The following NCOA2 variants were observed in gnomAD, a reference collection of about 807,000 sequenced individuals.
The protein encoded by NCOA2 is nuclear receptor coactivator 2.
In NCOA2, 21 loss-of-function variants were observed where a neutral mutation model predicts 145.1. That is an observed-to-expected ratio of 0.14 (90% CI 0.10 to 0.21). The LOEUF (loss-of-function observed/expected upper bound fraction) is 0.21, where lower values mean the gene tolerates loss of function less well. Ranked by LOEUF, NCOA2 falls within the 10% of genes least tolerant of loss-of-function variation. NCOA2 has a pLI of 1.00. For missense variants in NCOA2, 1,472 were observed against 1,837.6 expected, an observed-to-expected ratio of 0.80 and a Z score of 3.64; for synonymous variants, 619 against 637.5, an observed-to-expected ratio of 0.97 and a Z score of 0.44.
At chr8:70,311,767 C>T (rs1805142699) in intron 1 of NCOA2, among the ~76,000 whole-genome samples, 1 of 152,130 alleles carries the variant, frequency 6.6e-6, no homozygotes, top group Admixed American at 6.5e-5. Context: ...CCTCAGTTTC[C>T]TCAGTGACAA....
intron 1 of NCOA2, among the ~76,000 whole-genome samples, chr8:70,334,813 C>A (rs1807421746): frequency 6.6e-6 from 1 of 152,040 alleles, no homozygotes; most frequent in Admixed American, 6.6e-5. Flanking sequence ...TAGTAATATT[C>A]ATTTTGCTCT....
At chr8:70,330,334 C>T (rs1188699350) in intron 1 of NCOA2, among the ~76,000 whole-genome samples, 1 of 151,896 alleles carries the variant, frequency 6.6e-6, no homozygotes, top group Non-Finnish European at 1.5e-5. Flanking sequence ...CTTTGGAAGG[C>T]CAACGCAGAG....
intron 1 of NCOA2, among the ~76,000 whole-genome samples, chr8:70,301,357 T>C (rs1827470179): frequency 2.0e-5 from 3 of 151,910 alleles, no homozygotes; most frequent in African/African-American, 4.8e-5. Flanking sequence ...TGGATGTAAA[T>C]AAAGATATGT....
chr8:70,303,027 C>T (rs1000245279), intron 1 of NCOA2, among the ~76,000 whole-genome samples: 2 of 152,104 alleles, frequency 1.3e-5, no homozygotes, highest in South Asian at 4.1e-4. Context: ...TACAATAAAG[C>T]AACTATAATA....
At chr8:70,192,077 A>T (rs1378519092) in intron 4 of NCOA2, among the ~76,000 whole-genome samples, 1 of 152,160 alleles carries the variant, frequency 6.6e-6, no homozygotes, top group African/African-American at 2.4e-5. Context: ...AAAAAATAAA[A>T]GACTGAAGAC....
rs1427246508 is a variant in NCOA2 at position 70,267,223 on chromosome 8, G to A, written c.-20+29521C>T. On this transcript the variant is annotated intron_variant, in intron 2 of 22. Coordinates refer to ENST00000452400, the MANE Select transcript of NCOA2 (RefSeq NM_006540.4). ...AATATTTACACCTACCTGTGAAGAT[G>A]TTCATGACTATGAGGCATAAGTAAA... Among the ~76,000 whole-genome samples the A allele has an allele frequency of 3.3e-5, 5 of 152,240 alleles. 1 individual carries two copies. In the East Asian group the frequency reaches 5.8e-4, roughly 18 times the overall value.
At chr8:70,179,330 C>T (rs146073846) in intron 4 of NCOA2, among the ~76,000 whole-genome samples, 2 of 152,162 alleles carry the variant, frequency 1.3e-5, no homozygotes, top group African/African-American at 2.4e-5. Context: ...ATTAAAGTGG[C>T]CCTAAATTTA....
At chr8:70,429,411 A>G in the NCOA2 span, among the ~76,000 whole-genome samples, 1 of 152,190 alleles carries the variant, frequency 6.6e-6, no homozygotes, top group Non-Finnish European at 1.5e-5. Flanking sequence ...GAGTGCTGTA[A>G]CTGTGTTGTA....
chr8:70,440,539 C>T, the NCOA2 span, among the ~76,000 whole-genome samples: 1 of 151,662 alleles, frequency 6.6e-6, no homozygotes, highest in Non-Finnish European at 1.5e-5. Flanking sequence ...CGCCACTGCA[C>T]TTCAGCCTGG....
rs904984336 is a variant in NCOA2, at chr8:70,156,902, G to A, written c.1463C>T (p.Pro488Leu). 4 of 1,614,020 alleles carry A rather than the reference G, an allele frequency of 2.5e-6. No homozygotes were observed. The highest frequency in any genetic ancestry group is 1.3e-5 in the African/African-American group (1 of 75,058). ...CACTCCAGGGCTCATGCGATGCCTT[G>A]GTGAAAGCATGGAGGTGGGCTGTCC... ...NPGQPTSMLS[P>L]RHRMSPGVAG... The change falls in exon 11 of 23, where the codon CCA becomes CTA. Residue 488 changes from proline to leucine, a missense_variant. Physicochemically the swap from Pro to Leu is moderately conservative, Grantham distance 98. This residue lies in a region of NCOA2 where 953 missense variants were observed against 1,062.1 expected (regional missense o/e 0.90). Coordinates refer to ENST00000452400, the MANE Select transcript of NCOA2 (RefSeq NM_006540.4).
At chr8:70,386,328 T>G (rs1467542865) in intron 1 of NCOA2, among the ~76,000 whole-genome samples, 1 of 152,248 alleles carries the variant, frequency 6.6e-6, no homozygotes, top group Non-Finnish European at 1.5e-5. Flanking sequence ...GATGAGAGAC[T>G]TGTTCTATCA....
At chr8:70,339,191 G>A (rs1462402790) in intron 1 of NCOA2, among the ~76,000 whole-genome samples, 1 of 152,124 alleles carries the variant, frequency 6.6e-6, no homozygotes, top group Non-Finnish European at 1.5e-5. Context: ...AAACCCCATA[G>A]TCTCAGCCCG....
Position 70,110,499 on chromosome 8 carries a change from C to T in NCOA2, c.*3133G>A, listed in dbSNP as rs1806446636. Reference sequence around the variant, plus strand: ...GTAATTTTCTTTTGTGCAGAGGATGCTTTGCTCTTAGGCAGCATACCACCA... The same window carrying T: ...GTAATTTTCTTTTGTGCAGAGGATGTTTTGCTCTTAGGCAGCATACCACCA... On this transcript the variant is annotated 3_prime_UTR_variant, in exon 23 of 23. Transcript: ENST00000452400. The T allele has an allele frequency of 5.0e-6, 1 of 199,404 alleles. No homozygotes were observed. Among genetic ancestry groups the T allele is most frequent in the East Asian group, 7.9e-5 (1 of 12,714 alleles). The allele number at this position is 199,404 out of a possible 1,614,324, so 12.4% of individuals were successfully genotyped here.
At chr8:70,452,232 C>G in the NCOA2 span, among the ~76,000 whole-genome samples, 1 of 152,116 alleles carries the variant, frequency 6.6e-6, no homozygotes, top group African/African-American at 2.4e-5. Context: ...CACCTTGGCC[C>G]CCAAAGTGCT....
chr8:70,140,029 CAT>C (rs1810202599), intron 14 of NCOA2, among the ~76,000 whole-genome samples: 1 of 152,154 alleles, frequency 6.6e-6, no homozygotes, highest in African/African-American at 2.4e-5. Context: ...AGAGGGCTAA[CAT>C]GTCAATGATA....
chr8:70,162,672 G>T, intron 9 of NCOA2, 39 bp downstream of exon 9: 1 of 1,578,632 alleles, frequency 6.3e-7, no homozygotes. Flanking sequence ...GCTCCCACAG[G>T]AAGCAATAAT....
At chr8:70,359,569 T>C (rs559000961) in intron 1 of NCOA2, among the ~76,000 whole-genome samples, 1 of 152,296 alleles carries the variant, frequency 6.6e-6, no homozygotes, top group East Asian at 1.9e-4. Context: ...AAGGGGAAGT[T>C]ACAAGGAAAA....
chr8:70,209,154 C>T (rs1479206881), intron 4 of NCOA2, among the ~76,000 whole-genome samples: 1 of 152,168 alleles, frequency 6.6e-6, no homozygotes, highest in Non-Finnish European at 1.5e-5. Flanking sequence ...TGGAGGGATT[C>T]CTGACTTCAG....
intron 1 of NCOA2, among the ~76,000 whole-genome samples, chr8:70,388,939 G>GT (rs1163503222): frequency 1.3e-5 from 2 of 152,142 alleles, no homozygotes; most frequent in East Asian, 3.9e-4. Context: ...CACATTTCAA[G>GT]TAAGTTTAGT....
Sources: allele counts gnomAD v4.1 joint callset (sites outside exome capture counted in the v4.1 genomes callset), GRCh38; gene constraint gnomAD v4.1.1; regional missense constraint gnomAD v4.1.1; transcripts MANE v1.5; gene names NCBI Gene and HGNC (gene_info 2026-07-23, HGNC 2026-07-21).